The following GDAP1 variants were observed in gnomAD, a reference collection of about 807,000 sequenced individuals.
The protein encoded by GDAP1 is ganglioside-induced differentiation-associated protein 1.
In GDAP1, 34 loss-of-function variants were observed where a neutral mutation model predicts 40.1. The observed-to-expected ratio is 0.85, with a 90% CI of 0.64 to 1.13. The LOEUF (loss-of-function observed/expected upper bound fraction) is 1.13, where lower values mean the gene tolerates loss of function less well. Ranked by LOEUF, GDAP1 falls within the 50% of genes most tolerant of loss-of-function variation. The pLI, the probability that GDAP1 is intolerant of heterozygous loss-of-function variation, is 0.00. For synonymous variants in GDAP1, 170 were observed against 157.4 expected, an observed-to-expected ratio of 1.08 and a Z score of -0.60; for missense variants, 374 against 433.7, an observed-to-expected ratio of 0.86 and a Z score of 1.22.
At chr8:74,437,377 C>T (rs1285509167) in intron 2 of GDAP1, among the ~76,000 whole-genome samples, 3 of 152,136 alleles carry the variant, frequency 2.0e-5, no homozygotes, top group African/African-American at 7.2e-5. Flanking sequence ...ATTACTTAAT[C>T]TTGAATTACA....
downstream of GDAP1, among the ~76,000 whole-genome samples, chr8:74,370,583 TAAAC>T (rs1253423304): frequency 1.3e-5 from 2 of 151,960 alleles, no homozygotes; most frequent in African/African-American, 2.4e-5. Flanking sequence ...ACAAAACAAA[TAAAC>T]AGAAGGGACA....
intron 2 of GDAP1, among the ~76,000 whole-genome samples, chr8:74,355,893 T>G (rs1420512837): frequency 1.3e-5 from 2 of 152,086 alleles, no homozygotes; most frequent in African/African-American, 4.8e-5. Context: ...GATATTAAAA[T>G]CACGTAAATC....
At chr8:74,474,579 A>G (rs367681685) in intron 2 of GDAP1, among the ~76,000 whole-genome samples, 1 of 152,312 alleles carries the variant, frequency 6.6e-6, no homozygotes, top group African/African-American at 2.4e-5. Context: ...AGTTCTGTTT[A>G]TATGATGAAT....
chr8:74,440,326 A>G (rs1437918971), intron 2 of GDAP1, among the ~76,000 whole-genome samples: 1 of 152,142 alleles, frequency 6.6e-6, no homozygotes, highest in Middle Eastern at 3.2e-3. Flanking sequence ...ATTTTAATAG[A>G]AGCTCTTTTA....
chr8:74,387,040 G>C (rs1192603941), intron 2 of GDAP1, among the ~76,000 whole-genome samples: 6 of 152,234 alleles, frequency 3.9e-5, no homozygotes, highest in Non-Finnish European at 7.3e-5. Flanking sequence ...TATATCCTGA[G>C]ACTTTGGTGA....
chr8:74,399,127 C>T (rs186096576), intron 2 of GDAP1, among the ~76,000 whole-genome samples: 6,969 of 152,150 alleles, frequency 0.046, 210 homozygotes, highest in Non-Finnish European at 0.069. Flanking sequence ...AGGAATGGTA[C>T]CAGTTCCTCC....
intron 2 of GDAP1, among the ~76,000 whole-genome samples, chr8:74,463,727 A>G (rs1806432572): frequency 6.6e-6 from 1 of 152,262 alleles, no homozygotes; most frequent in Non-Finnish European, 1.5e-5. Flanking sequence ...GAAACTAAAC[A>G]TATGTAGAAA....
chr8:74,420,005 A>G (rs1424126118), intron 2 of GDAP1, among the ~76,000 whole-genome samples: 1 of 152,136 alleles, frequency 6.6e-6, no homozygotes, highest in Non-Finnish European at 1.5e-5. Flanking sequence ...ATTCTATTCC[A>G]TTGGTCTCTA....
rs1428461569 is a variant in GDAP1, at chr8:74,400,498, C to A, written c.165+49177C>A. ...TACAGCACACTGATGGGTCTTGACT[C>A]TTTATCCAGTTTGCCAGTCTGTGTC... is the stretch of plus-strand genomic sequence containing the variant. On this transcript the variant is annotated intron_variant, in intron 2 of 2. Transcript: ENST00000523640. Among the ~76,000 whole-genome samples the A allele has an allele frequency of 2.0e-5, 3 of 150,008 alleles. 1 individual carries two copies. Among genetic ancestry groups the A allele is most frequent in the Admixed American group, 2.0e-4 (3 of 15,238 alleles).
chr8:74,362,802 TTTGCTGA>T, intron 4 of GDAP1, 130 bp from the exon 5 acceptor site: 1 of 441,098 alleles, frequency 2.3e-6, no homozygotes. Context: ...TTTTTTTTTT[TTTGCTGA>T]GTTTTTCTAT....
intron 2 of GDAP1, among the ~76,000 whole-genome samples, chr8:74,481,260 G>A (rs977832576): frequency 6.6e-6 from 1 of 152,146 alleles, no homozygotes; most frequent in Non-Finnish European, 1.5e-5. Context: ...TAGAAGTAAT[G>A]GTTCTCAGAA....
chr8:74,488,716 C>G (rs1274660289), exon 3 of GDAP1: 1 of 152,176 alleles, frequency 6.6e-6, no homozygotes, highest in Non-Finnish European at 1.5e-5. Context: ...AACAGCTCAC[C>G]TGGTGCCAAA....
At chr8:74,423,880 G>A (rs1304745618) in intron 2 of GDAP1, among the ~76,000 whole-genome samples, 2 of 152,090 alleles carry the variant, frequency 1.3e-5, no homozygotes, top group East Asian at 3.9e-4. Context: ...ACCTTCTTGG[G>A]AAGAGAAGGG....
intron 2 of GDAP1, among the ~76,000 whole-genome samples, chr8:74,352,919 C>T (rs1009642059): frequency 1.3e-5 from 2 of 152,046 alleles, no homozygotes; most frequent in Admixed American, 6.5e-5. Context: ...TGGAAAATCC[C>T]ATTTAAGTTT....
intron 2 of GDAP1, among the ~76,000 whole-genome samples, chr8:74,380,016 G>A (rs766055943): frequency 2.6e-5 from 4 of 152,158 alleles, no homozygotes; most frequent in African/African-American, 9.7e-5. Context: ...TACTGCACTT[G>A]GGATACTGCT....
chr8:74,372,129 T>A (rs1809765001), intron 2 of GDAP1, among the ~76,000 whole-genome samples: 1 of 152,200 alleles, frequency 6.6e-6, no homozygotes, highest in African/African-American at 2.4e-5. Context: ...TAGTATTCCA[T>A]GATGTATATA....
intron 2 of GDAP1, among the ~76,000 whole-genome samples, chr8:74,356,107 T>C (rs1223974378): frequency 1.3e-5 from 2 of 152,186 alleles, no homozygotes; most frequent in African/African-American, 2.4e-5. Context: ...TAGTTGAATA[T>C]AGGCCTTTTA....
intron 2 of GDAP1, among the ~76,000 whole-genome samples, chr8:74,377,578 T>C (rs913363436): frequency 2.0e-5 from 3 of 152,210 alleles, no homozygotes; most frequent in African/African-American, 7.2e-5. Flanking sequence ...AATGAGATAC[T>C]ACTTTATATC....
At chr8:74,469,290 A>T (rs1194332625) in intron 2 of GDAP1, among the ~76,000 whole-genome samples, 1 of 152,004 alleles carries the variant, frequency 6.6e-6, no homozygotes, top group African/African-American at 2.4e-5. Context: ...AAAAATTAGG[A>T]TTTTTTTCCT....
Sources: gnomAD v4.1 joint callset for allele counts (sites outside exome capture counted in the v4.1 genomes callset) on GRCh38, gnomAD v4.1.1 for gene constraint, MANE v1.5 for transcripts, NCBI Gene and HGNC (gene_info 2026-07-23, HGNC 2026-07-21) for gene names.